Variants in DEDD observed in about 807,000 individuals in gnomAD.
DEDD encodes the protein death effector domain containing, also known as death effector domain-containing protein.
Under a neutral mutation model 29.2 loss-of-function variants are expected in DEDD, and 3 were observed. The observed-to-expected ratio is 0.10, with a 90% CI of 0.05 to 0.27. The LOEUF is 0.27. Ranked by LOEUF, DEDD falls within the 10% of genes least tolerant of loss-of-function variation. The probability of loss-of-function intolerance (pLI) is 1.00; values close to 1 mark genes in which losing one functional copy is unlikely to be tolerated. For synonymous variants in DEDD, 152 were observed against 161.3 expected (o/e 0.94, Z 0.44); for missense variants, 261 against 420.5 (o/e 0.62, Z 3.32).
rs1284065780 is a variant in DEDD at position 161,124,236 on chromosome 1, C to T, written c.227G>A (p.Arg76His). The T allele has an allele frequency of 5.0e-6, 8 of 1,614,104 alleles. No individual in the cohort carries two copies. The highest frequency in any genetic ancestry group is 1.1e-5 in the South Asian group (1 of 91,076). The change falls in exon 3 of 6, where the codon CGC becomes CAC. Residue 76 changes from arginine to histidine, a missense_variant. This residue lies in a region of DEDD where 203 missense variants were observed against 268.7 expected (regional missense o/e 0.76). Transcript: ENST00000368006. ...CTGGCGAAAGTTACTTTCATCACAG[C>T]GGCCCTGGCGCTCCAGTGCCAATAA... The part of the protein sequence containing the change: ...DFLLALERQG[R>H]CDESNFRQVL...
At chr1:161,128,035 T>C (rs1375768631) in intron 2 of DEDD, among the ~76,000 whole-genome samples, 2 of 152,244 alleles carry the variant, frequency 1.3e-5, no homozygotes, top group African/African-American at 4.8e-5. Context: ...TATGTATCAA[T>C]GGATGTAATT....
chr1:161,129,373 C>T (rs960743133), intron 2 of DEDD, among the ~76,000 whole-genome samples: 2 of 151,988 alleles, frequency 1.3e-5, no homozygotes, highest in Admixed American at 6.6e-5. Context: ...GGCAGGAGGA[C>T]TGCTTGAGCC....
chr1:161,131,304 C>G (rs529509351), intron 1 of DEDD: 9 of 152,184 alleles, frequency 5.9e-5, no homozygotes, highest in Non-Finnish European at 1.0e-4. Flanking sequence ...AACTAGCACA[C>G]AATGAGAACA....
intron 2 of DEDD, among the ~76,000 whole-genome samples, chr1:161,127,826 T>C (rs919753436): frequency 6.6e-6 from 1 of 152,190 alleles, no homozygotes; most frequent in Non-Finnish European, 1.5e-5. Flanking sequence ...ACCTGTTCCC[T>C]TGGGCCAGCT....
At position 161,123,181 on chromosome 1, in the gene DEDD, A is replaced by G; in HGVS notation, c.474T>C (p.Gly158=). ...CTGGCCGCTTGCTACACATCTGAGG[A>G]CCCGAAGTGGGGCAACACACCACAG... is the stretch of plus-strand genomic sequence containing the variant. ...HYPVVCCPTS[G]PQMCSKRPAR... is the part of the protein sequence containing the mutation. The change falls in exon 5 of 6, where the codon GGT becomes GGC. Residue 158 remains glycine, a synonymous_variant. Coordinates refer to ENST00000368006, the MANE Select transcript of DEDD (RefSeq NM_032998.3). The G allele has an allele frequency of 6.2e-7, 1 of 1,614,172 alleles. No individual in the cohort carries two copies. The highest frequency in any genetic ancestry group is 2.2e-5 in the East Asian group (1 of 44,888).
chr1:161,123,746 T>A, intron 4 of DEDD, 93 bp downstream of exon 4: 2 of 1,115,136 alleles, frequency 1.8e-6, no homozygotes, highest in Non-Finnish European at 2.6e-6. Flanking sequence ...GCGCACAGCA[T>A]CCTTTCATTT....
At chr1:161,123,816 A>T (rs1202082143) in intron 4 of DEDD, 23 bp downstream of exon 4, 4 of 1,586,496 alleles carry the variant, frequency 2.5e-6, no homozygotes, top group South Asian at 1.1e-5. Flanking sequence ...GATGGAAAGC[A>T]GGGGGAGTTA....
At position 161,121,142 on chromosome 1, in the gene DEDD, A is replaced by C; in HGVS notation, c.*1005T>G. On this transcript the variant is annotated 3_prime_UTR_variant, in exon 6 of 6. Coordinates refer to ENST00000368006, the MANE Select transcript of DEDD (RefSeq NM_032998.3). ...CAGCTGGACTAAGCTCCAGTTCTAG[A>C]CCTCCTGGCTCATTCAACATGCCTC... The C allele has an allele frequency of 1.9e-6, 2 of 1,075,068 alleles. No individual in the cohort carries two copies. The allele number at this position is 1,075,068 out of a possible 1,614,324, so 66.6% of individuals were successfully genotyped here.
intron 4 of DEDD, 114 bp downstream of exon 4, chr1:161,123,725 G>A (rs2101742560): frequency 1.1e-6 from 1 of 915,830 alleles, no homozygotes; most frequent in East Asian, 2.5e-5. Flanking sequence ...TTTTTATGGG[G>A]CAAGATGTGG....
chr1:161,131,920 T>C (rs1656709128), intron 1 of DEDD, among the ~76,000 whole-genome samples: 1 of 151,540 alleles, frequency 6.6e-6, no homozygotes. Context: ...CCTCCCAAAC[T>C]TTCTTCCTCC....
Position 161,121,108 on chromosome 1 carries a change from G to A in DEDD, c.*1039C>T. On this transcript the variant is annotated 3_prime_UTR_variant, in exon 6 of 6. Coordinates refer to ENST00000368006, the MANE Select transcript of DEDD (RefSeq NM_032998.3). ...CCTTTGGGAACTAGAAGGGGAGTTG[G>A]TATTGTACCAGCTGGACTAAGCTCC... The A allele has an allele frequency of 8.8e-7, 1 of 1,141,794 alleles. No individual in the cohort carries two copies. Among genetic ancestry groups the A allele is most frequent in the Non-Finnish European group, 1.1e-6 (1 of 922,004 alleles). 70.7% of individuals were successfully genotyped at this position (1,141,794 alleles called of 1,614,324 possible).
chr1:161,123,372 G>A (rs1458961563), intron 4 of DEDD, 151 bp from the exon 5 acceptor site: 2 of 778,654 alleles, frequency 2.6e-6, no homozygotes, highest in African/African-American at 3.5e-5. Flanking sequence ...AGGTGCAGTG[G>A]CTCACGCCTG....
At position 161,121,432 on chromosome 1, in the gene DEDD, C is replaced by T. The variant is rs1655477920; in HGVS notation, c.*715G>A. The T allele has an allele frequency of 1.3e-5, 2 of 154,094 alleles. No individual in the cohort carries two copies. The highest frequency in any genetic ancestry group is 4.8e-5 in the African/African-American group (2 of 41,442). 9.5% of individuals were successfully genotyped at this position (154,094 alleles called of 1,614,324 possible). ...TGTATTTTAATCAGCAACCTCTTCT[C>T]CATCCACCCTGTGTATGTGTGTACA... On this transcript the variant is annotated 3_prime_UTR_variant, in exon 6 of 6. Coordinates refer to ENST00000368006, the MANE Select transcript of DEDD (RefSeq NM_032998.3).
In DEDD at chr1:161,122,387, C is replaced by G. The variant is rs779363080; in HGVS notation, c.717G>C (p.Arg239=). The G allele has an allele frequency of 4.3e-6, 7 of 1,614,188 alleles. No individual in the cohort carries two copies. The highest frequency in any genetic ancestry group is 5.9e-6 in the Non-Finnish European group (7 of 1,180,034). Residue 239 remains arginine (R), a synonymous_variant, in exon 6 of 6, where the codon CGG becomes CGC. Transcript: ENST00000368006. The surrounding 1 kb of genome is among the most constrained non-coding windows in gnomAD (Gnocchi z 4.2). ...TGTCACAGATGATGGAGCCCAGGTCCCGGGACTTGAGGATGGTGTTGGCCT... is the reference window on the plus strand; with the variant it reads ...TGTCACAGATGATGGAGCCCAGGTCGCGGGACTTGAGGATGGTGTTGGCCT... The part of the protein sequence containing the change: ...FNQANTILKS[R]DLGSIICDIK...
At chr1:161,123,021 C>A in intron 5 of DEDD, 54 bp downstream of exon 5, 2 of 1,614,226 alleles carry the variant, frequency 1.2e-6, no homozygotes, top group Non-Finnish European at 1.7e-6. Context: ...CCCAGCAGTT[C>A]TTTATATTCT....
rs370630271 is a variant in DEDD at position 161,123,161 on chromosome 1, C to T, written c.494G>A (p.Arg165Gln). The T allele has an allele frequency of 1.1e-5, 17 of 1,614,062 alleles. No individual in the cohort carries two copies. The highest frequency in any genetic ancestry group is 7.7e-5 in the South Asian group (7 of 91,096). Residue 165 changes from arginine to glutamine, a missense_variant, in exon 5 of 6, where the codon CGG becomes CAG. This residue lies in a region of DEDD where 203 missense variants were observed against 268.7 expected (regional missense o/e 0.76). Coordinates refer to ENST00000368006, the MANE Select transcript of DEDD (RefSeq NM_032998.3). ...PTSGPQMCSK[R>Q]PARGRATLGS... is the part of the protein sequence containing the mutation. The stretch of plus-strand genomic sequence containing the variant: ...AAGTGTGGCTCTCCCTCGGGCTGGC[C>T]GCTTGCTACACATCTGAGGACCCGA...
At chr1:161,125,493 A>G (rs1656067958) in intron 2 of DEDD, 1 of 151,886 alleles carries the variant, frequency 6.6e-6, no homozygotes. Flanking sequence ...TCTTCACCCT[A>G]TTTGGCAATA....
chr1:161,120,998 T>G lies in DEDD; in HGVS notation c.*1149A>C, dbSNP rs764945777. The G allele has an allele frequency of 2.9e-6, 4 of 1,394,156 alleles. No homozygotes were observed. Among genetic ancestry groups the G allele is most frequent in the Non-Finnish European group, 3.7e-6 (4 of 1,075,808 alleles). 86.4% of individuals were successfully genotyped at this position (1,394,156 alleles called of 1,614,324 possible). ...GGAATTTTATATAGTCATTGTTTAT[T>G]TCATGGAAACTGAAGTTCTGCTGAG... is the stretch of plus-strand genomic sequence containing the variant. On this transcript the variant is annotated 3_prime_UTR_variant, in exon 6 of 6. Transcript: ENST00000368006.
At chr1:161,131,706 T>G (rs1034004380) in intron 1 of DEDD, among the ~76,000 whole-genome samples, 2 of 152,134 alleles carry the variant, frequency 1.3e-5, no homozygotes, top group African/African-American at 2.4e-5. Flanking sequence ...TGAATTCTCA[T>G]CCAACCCCAA....
Sources: gnomAD v4.1 joint callset for allele counts (sites outside exome capture counted in the v4.1 genomes callset) on GRCh38, gnomAD v4.1.1 for gene constraint, gnomAD v4.1.1 regional missense constraint, Gnocchi (gnomAD v3.1) non-coding constraint, MANE v1.5 for transcripts, NCBI Gene and HGNC (gene_info 2026-07-23, HGNC 2026-07-21) for gene names.